The following OR51B5 variants were observed in gnomAD, a reference collection of about 807,000 sequenced individuals.
OR51B5 encodes olfactory receptor family 51 subfamily B member 5.
For synonymous variants in OR51B5, 186 were observed against 144.8 expected, an observed-to-expected ratio of 1.28 and a Z score of -2.04; for missense variants, 456 against 374.6, an observed-to-expected ratio of 1.22 and a Z score of -1.79.
At chr11:5,340,492 G>C (rs1369295476), downstream of OR51B5, 1 of 149,538 alleles carries the variant, frequency 6.7e-6, no homozygotes, top group Non-Finnish European at 1.5e-5. Context: ...TTTTTGCAAT[G>C]TCATATTGAA....
At chr11:5,390,280 T>G in intron 1 of OR51B5, 1 of 1,614,062 alleles carries the variant, frequency 6.2e-7, no homozygotes, top group East Asian at 2.2e-5. Flanking sequence ...TCTACCTTTT[T>G]GTGCCTCCCA....
chr11:5,438,997 C>T (rs1174742205), intron 1 of OR51B5, among the ~76,000 whole-genome samples: 2 of 152,168 alleles, frequency 1.3e-5, no homozygotes, highest in Non-Finnish European at 2.9e-5. Flanking sequence ...TCTCCGAAGA[C>T]TTCCTGATCA....
chr11:5,416,751 C>A (rs1850250566), intron 1 of OR51B5, among the ~76,000 whole-genome samples: 1 of 141,888 alleles, frequency 7.0e-6, no homozygotes, highest in Non-Finnish European at 1.5e-5. Flanking sequence ...AGGAGAACTA[C>A]AAACCACTGC....
At chr11:5,434,863 G>A (rs1340077185) in intron 1 of OR51B5, among the ~76,000 whole-genome samples, 1 of 152,154 alleles carries the variant, frequency 6.6e-6, no homozygotes, top group Non-Finnish European at 1.5e-5. Flanking sequence ...TAAGTCCCAT[G>A]GTCTTCCCTA....
Position 5,343,016 on chromosome 11 carries a change from T to TG in OR51B5, c.508dup (p.His170ProfsTer15), listed in dbSNP as rs1564911883. 1 of 1,613,472 alleles carries TG rather than the reference T, an allele frequency of 6.2e-7. No individual in the cohort carries two copies. Among genetic ancestry groups the TG allele is most frequent in the Admixed American group, 1.7e-5 (1 of 59,986 alleles). ...AAGGCAGAATGCATGTGAAAGAACA[T>TG]GGGAGTGACAATACAGAAAAAAATA... On this transcript the variant is annotated frameshift_variant, in exon 1 of 1. Transcript: ENST00000300773. LOFTEE classifies it low-confidence loss of function (END_TRUNC).
chr11:5,404,493 C>G (rs1208162712), intron 1 of OR51B5, among the ~76,000 whole-genome samples: 1 of 151,508 alleles, frequency 6.6e-6, no homozygotes, highest in Non-Finnish European at 1.5e-5. Context: ...GATCAGCACT[C>G]TGTAAAATGG....
chr11:5,455,571 G>GAC (rs1692811815), intron 1 of OR51B5: 1 of 143,898 alleles, frequency 6.9e-6, no homozygotes, highest in South Asian at 2.1e-4. Flanking sequence ...GGGGGAGAGA[G>GAC]AGAGAGAAAG....
At chr11:5,477,638 C>A (rs377208578) in intron 1 of OR51B5, among the ~76,000 whole-genome samples, 2 of 152,184 alleles carry the variant, frequency 1.3e-5, no homozygotes, top group East Asian at 1.9e-4. Context: ...ACAGTCGGCG[C>A]AGGTCAGTGG....
chr11:5,468,543 G>C (rs1464588042), intron 1 of OR51B5: 1 of 395,294 alleles, frequency 2.5e-6, no homozygotes, highest in African/African-American at 2.1e-5. Flanking sequence ...CCTTAGTCTT[G>C]ATGGAATAGA....
intron 1 of OR51B5, chr11:5,351,934 G>T (rs1349591655): frequency 6.2e-7 from 1 of 1,612,898 alleles, no homozygotes; most frequent in Non-Finnish European, 8.5e-7. Context: ...AATGAAGATT[G>T]GTGTGCGGGT....
chr11:5,352,086 C>A, intron 1 of OR51B5: 2 of 1,614,140 alleles, frequency 1.2e-6, no homozygotes, highest in Non-Finnish European at 1.7e-6. Context: ...TCACCTTCAA[C>A]CGTCTCTATC....
intron 1 of OR51B5, among the ~76,000 whole-genome samples, chr11:5,420,105 T>A (rs1392046060): frequency 6.6e-6 from 1 of 151,990 alleles, no homozygotes; most frequent in African/African-American, 2.4e-5. Flanking sequence ...TTCTACTCTT[T>A]TGTTATTACA....
chr11:5,426,268 A>T (rs1015746485), intron 1 of OR51B5, among the ~76,000 whole-genome samples: 1 of 152,192 alleles, frequency 6.6e-6, no homozygotes, highest in Non-Finnish European at 1.5e-5. Context: ...TGGTGGAATC[A>T]TTCTATCATA....
intron 1 of OR51B5, among the ~76,000 whole-genome samples, chr11:5,420,053 G>A (rs1380088691): frequency 6.6e-6 from 1 of 151,610 alleles, no homozygotes; most frequent in East Asian, 1.9e-4. Context: ...TATGATAGGT[G>A]ATAGATATAT....
chr11:5,461,370 C>T (rs1258118031), intron 1 of OR51B5, among the ~76,000 whole-genome samples: 1 of 152,192 alleles, frequency 6.6e-6, no homozygotes, highest in Non-Finnish European at 1.5e-5. Flanking sequence ...AGAGCTATGG[C>T]AGCAGCCACT....
At chr11:5,436,611 T>C (rs971084781) in intron 1 of OR51B5, among the ~76,000 whole-genome samples, 1 of 152,328 alleles carries the variant, frequency 6.6e-6, no homozygotes, top group Admixed American at 6.5e-5. Flanking sequence ...ACCATGAGGG[T>C]ATTTGAATGA....
chr11:5,461,171 C>G (rs1480646393), intron 1 of OR51B5, among the ~76,000 whole-genome samples: 2 of 152,156 alleles, frequency 1.3e-5, no homozygotes. Flanking sequence ...GAGTGCATGC[C>G]AATGGGATGA....
At chr11:5,422,739 A>C (rs58283839) in intron 1 of OR51B5, 64,326 of 1,613,544 alleles carry the variant, frequency 0.04, 5,222 homozygotes, top group East Asian at 0.39. Context: ...TCTCGCTCCT[A>C]TTGCCTCCAC....
intron 1 of OR51B5, among the ~76,000 whole-genome samples, chr11:5,414,915 C>T (rs976848919): frequency 2.6e-5 from 4 of 152,170 alleles, no homozygotes; most frequent in African/African-American, 9.7e-5. Context: ...CAGCTCTGCA[C>T]CAAGCGGACC....
Sources: gnomAD v4.1 joint callset for allele counts (sites outside exome capture counted in the v4.1 genomes callset) on GRCh38, gnomAD v4.1.1 for gene constraint, MANE v1.5 for transcripts, NCBI Gene and HGNC (gene_info 2026-07-23, HGNC 2026-07-21) for gene names.